PLXND1: variants seen among roughly 807,000 people sequenced by gnomAD.
PLXND1 encodes plexin D1.
In PLXND1, 54 loss-of-function variants were observed where a neutral mutation model predicts 197.7. The ratio of observed to expected loss-of-function variants is 0.27; its 90% CI spans 0.22 to 0.34. The LOEUF is 0.34. Ranked by LOEUF, PLXND1 falls within the 10% of genes least tolerant of loss-of-function variation. The pLI is 1.00. For missense variants in PLXND1, 2,127 were observed against 2,699.2 expected (o/e 0.79, Z 4.70); for synonymous variants, 1,180 against 1,161.2 (o/e 1.02, Z -0.33).
chr3:129,594,100 T>C (rs928453934), intron 1 of PLXND1, among the ~76,000 whole-genome samples: 1 of 152,182 alleles, frequency 6.6e-6, no homozygotes, highest in Non-Finnish European at 1.5e-5. Context: ...GGATGCGGCA[T>C]TAACAGTGGG....
chr3:129,606,183 G>A lies in PLXND1; in HGVS notation c.457C>T (p.Arg153Trp). 2 of 1,551,368 alleles carry A rather than the reference G, an allele frequency of 1.3e-6. No individual in the cohort carries two copies. The highest frequency in any genetic ancestry group is 1.7e-6 in the Non-Finnish European group (2 of 1,155,592). The change falls in exon 1 of 36, where the codon CGG becomes TGG. Residue 153 changes from arginine to tryptophan, a missense_variant. Transcript: ENST00000324093. ...ACGGCCACGGCCGAGATGTTGCCCC[G>A]GCGCCGCAGCTGGCAGAAGCCCTGG... ...IYQGFCQLRR[R>W]GNISAVAVRF... is the part of the protein sequence containing the mutation.
chr3:129,557,464 T>C lies in PLXND1; in HGVS notation c.5446-241A>G, dbSNP rs1218377336. On this transcript the variant is annotated intron_variant, in intron 33 of 35. Coordinates refer to ENST00000324093, the MANE Select transcript of PLXND1 (RefSeq NM_015103.3). This position sits in a 1 kb window ranked among gnomAD's most constrained non-coding sequence, Gnocchi z 4.8. ...AGGACTGTTAGGACAATGATGTGGG[T>C]GGGGAGGGGCCCTACTTCTTTCAGG... is the stretch of plus-strand genomic sequence containing the variant. 1.4e-5 allele frequency among the ~76,000 whole-genome samples: 2 copies of C among 141,606 alleles called. No homozygotes were observed. The highest frequency in any genetic ancestry group is 2.9e-5 in the Non-Finnish European group (2 of 67,838). 92.9% of individuals were successfully genotyped at this position (141,606 alleles called of 152,430 possible).
chr3:129,587,884 C>T (rs1233473322), intron 2 of PLXND1, among the ~76,000 whole-genome samples: 1 of 152,272 alleles, frequency 6.6e-6, no homozygotes, highest in East Asian at 1.9e-4. Context: ...TCTCCCCAGG[C>T]TTCCATGGGC....
intron 24 of PLXND1, 63 bp from the exon 25 acceptor site, chr3:129,565,601 C>G: frequency 7.1e-7 from 1 of 1,408,400 alleles, no homozygotes. Context: ...GTCCCAGGGT[C>G]TCAGTGCCGC....
Position 129,584,447 on chromosome 3 carries a change from T to C in PLXND1, c.1967A>G (p.His656Arg). The stretch of plus-strand genomic sequence containing the variant: ...CAGGAGGTTGCAGTAGGCAATCTGG[T>C]GACCAAAGGCAGGGCCTGGGACCCG... ...VARVPGPAFG[H>R]QIAYCNLLPR... The change falls in exon 6 of 36, where the codon CAC becomes CGC. Residue 656 changes from histidine to arginine, a missense_variant. Around this residue, in one of 6 missense-constraint regions of PLXND1, gnomAD observed 1,095 missense variants for 1,259.8 expected, o/e 0.87. Transcript: ENST00000324093. The C allele has an allele frequency of 6.2e-7, 1 of 1,613,754 alleles. No individual in the cohort carries two copies. The highest frequency in any genetic ancestry group is 8.5e-7 in the Non-Finnish European group (1 of 1,179,966).
chr3:129,589,228 A>C, intron 2 of PLXND1, 123 bp downstream of exon 2: 16 of 753,816 alleles, frequency 2.1e-5, no homozygotes, highest in Non-Finnish European at 2.6e-5. Flanking sequence ...TGCTAGGCGA[A>C]TGGGAGAAAA....
Position 129,586,001 on chromosome 3 carries a change from G to C in PLXND1, c.1802C>G (p.Pro601Arg), listed in dbSNP as rs780780156. Residue 601 changes from proline (P) to arginine (R), a missense_variant, in exon 5 of 36, where the codon CCT becomes CGT. Pro to Arg is a moderately radical substitution (Grantham distance 103). Around this residue, in one of 6 missense-constraint regions of PLXND1, gnomAD observed 1,095 missense variants for 1,259.8 expected, o/e 0.87. Coordinates refer to ENST00000324093, the MANE Select transcript of PLXND1 (RefSeq NM_015103.3). ...CTCGGAAGGCAGGACGGTCATGGCA[G>C]GACAGCGGCTGGGGCCCTCGCTGGC... ...TSASEGPSRC[P>R]AMTVLPSEID... The C allele has an allele frequency of 6.2e-7, 1 of 1,614,048 alleles. No individual in the cohort carries two copies.
chr3:129,570,482 C>G (rs1380908913), intron 19 of PLXND1, among the ~76,000 whole-genome samples: 2 of 152,198 alleles, frequency 1.3e-5, no homozygotes, highest in Admixed American at 6.5e-5. Flanking sequence ...GCTCCCCTGC[C>G]TCTACATGGT....
chr3:129,597,267 G>T (rs2085639452), intron 1 of PLXND1, among the ~76,000 whole-genome samples: 1 of 152,112 alleles, frequency 6.6e-6, no homozygotes, highest in East Asian at 1.9e-4. Context: ...CGCTCTGCTG[G>T]GAGCCACCAA....
chr3:129,574,553 G>A, intron 11 of PLXND1, 63 bp from the exon 12 acceptor site: 1 of 1,508,756 alleles, frequency 6.6e-7, no homozygotes, highest in South Asian at 1.2e-5. Flanking sequence ...ACACCGCTGT[G>A]CCCTCCACAC....
chr3:129,566,121 G>C, intron 23 of PLXND1, 104 bp from the exon 24 acceptor site: 2 of 1,232,460 alleles, frequency 1.6e-6, no homozygotes, highest in Non-Finnish European at 2.3e-6. Flanking sequence ...CTGGGATGGG[G>C]AGCTCATTAC....
rs1221012038 is a variant in PLXND1, at chr3:129,605,365, G to A, written c.1275C>T (p.Gly425=). The part of the protein sequence containing the change: ...VVAVLDSVVQ[G]TGPACERKLN... ...GCTTGCGCTCACAGGCCGGTCCCGT[G>A]CCCTGCACCACGCTGTCGAGCACCG... Residue 425 remains glycine (G), a synonymous_variant, in exon 1 of 36, where the codon GGC becomes GGT. Coordinates refer to ENST00000324093, the MANE Select transcript of PLXND1 (RefSeq NM_015103.3). The A allele has an allele frequency of 6.7e-7, 1 of 1,493,496 alleles. No homozygotes were observed. Among genetic ancestry groups the A allele is most frequent in the Non-Finnish European group, 8.9e-7 (1 of 1,129,906 alleles). 92.5% of individuals were successfully genotyped at this position (1,493,496 alleles called of 1,614,324 possible).
intron 1 of PLXND1, among the ~76,000 whole-genome samples, chr3:129,596,515 C>A (rs1339303737): frequency 6.6e-6 from 1 of 152,112 alleles, no homozygotes; most frequent in Admixed American, 6.5e-5. Context: ...GGGCAGCCAG[C>A]GGCTCTTCCC....
At position 129,606,424 on chromosome 3, in the gene PLXND1, G is replaced by C. The variant is rs767369760; in HGVS notation, c.216C>G (p.Tyr72Ter). 2.0e-6 allele frequency: 3 copies of C among 1,480,098 alleles called. No homozygotes were observed. The highest frequency in any genetic ancestry group is 2.7e-6 in the Non-Finnish European group (3 of 1,120,860). 91.7% of individuals were successfully genotyped at this position (1,480,098 alleles called of 1,614,324 possible). The change falls in exon 1 of 36, where the codon TAC (tyrosine) becomes TAG (stop). Residue 72 changes from tyrosine to a stop codon, truncating the protein, a stop_gained. Transcript: ENST00000324093. LOFTEE classifies it high-confidence loss of function. ...FALDGAAGTV[Y>*]LAAVNRLYQL... ...GATAGAGGCGGTTGACGGCCGCCAGGTACACGGTCCCCGCCGCGCCGTCCA... is the reference window on the plus strand; with the variant it reads ...GATAGAGGCGGTTGACGGCCGCCAGCTACACGGTCCCCGCCGCGCCGTCCA...
intron 2 of PLXND1, 86 bp from the exon 3 acceptor site, chr3:129,586,805 C>G: frequency 6.8e-7 from 1 of 1,467,848 alleles, no homozygotes; most frequent in Non-Finnish European, 9.3e-7. Flanking sequence ...GGTCTGGGGG[C>G]TCTGCCTCCC....
At chr3:129,594,091 G>A (rs1474315389) in intron 1 of PLXND1, among the ~76,000 whole-genome samples, 1 of 152,258 alleles carries the variant, frequency 6.6e-6, no homozygotes, top group Non-Finnish European at 1.5e-5. Context: ...CTATGAAAAG[G>A]ATGCGGCATT....
In PLXND1 at chr3:129,558,128, C is replaced by A. The variant is rs1451120592; in HGVS notation, c.5445+300G>T. On this transcript the variant is annotated intron_variant, in intron 33 of 35. Transcript: ENST00000324093. The surrounding 1 kb of genome is among the most constrained non-coding windows in gnomAD (Gnocchi z 4.1). ...TGCCTGACCAAGCAGGTTGTCCAAG[C>A]TCATACTGGCTTTCCCACACCGGGT... 6.6e-6 allele frequency among the ~76,000 whole-genome samples: 1 copy of A among 152,244 alleles called. No homozygotes were observed. The highest frequency in any genetic ancestry group is 2.4e-5 in the African/African-American group (1 of 41,462).
chr3:129,559,646 G>A lies in PLXND1; in HGVS notation c.5271C>T (p.Asp1757=). The A allele has an allele frequency of 1.2e-6, 2 of 1,609,222 alleles. No individual in the cohort carries two copies. The highest frequency in any genetic ancestry group is 1.7e-6 in the Non-Finnish European group (2 of 1,177,664). ...TGTTGGTCTTCCAGATGTGTAGGGT[G>A]TCGGGGTCGGAGATTCCCCTCTTCT... is the stretch of plus-strand genomic sequence containing the variant. The part of the protein sequence containing the change: ...QAEKRGISDP[D]TLHIWKTNSL... Residue 1757 remains aspartate, a synonymous_variant, in exon 32 of 36, where the codon GAC becomes GAT. Transcript: ENST00000324093.
Position 129,565,924 on chromosome 3 carries a change from C to T in PLXND1, c.4285G>A (p.Ala1429Thr), listed in dbSNP as rs754355224. 23 of 1,614,038 alleles carry T rather than the reference C, an allele frequency of 1.4e-5. No homozygotes were observed. The highest frequency in any genetic ancestry group is 7.7e-5 in the South Asian group (7 of 91,084). ...GCAAAGTCCTTCTGCTGCTCCAGCG[C>T]GTGGACAAAGACGATGAGGAAGTGC... ...NKHFLIVFVH[A>T]LEQQKDFAVR... Residue 1429 changes from alanine (A) to threonine (T), a missense_variant, in exon 24 of 36, where the codon GCG becomes ACG. By Grantham distance (58) the Ala-to-Thr change is moderately conservative. Coordinates refer to ENST00000324093, the MANE Select transcript of PLXND1 (RefSeq NM_015103.3).
Sources: gnomAD v4.1 joint callset for allele counts (sites outside exome capture counted in the v4.1 genomes callset) on GRCh38, gnomAD v4.1.1 for gene constraint, gnomAD v4.1.1 regional missense constraint, Gnocchi (gnomAD v3.1) non-coding constraint, MANE v1.5 for transcripts, NCBI Gene and HGNC (gene_info 2026-07-23, HGNC 2026-07-21) for gene names.